SLC45A4: variants seen among roughly 807,000 people sequenced by gnomAD.
The protein encoded by SLC45A4 is solute carrier family 45 member 4.
In SLC45A4, 32 loss-of-function variants were observed where a neutral mutation model predicts 63.7. The observed-to-expected ratio is 0.50, with a 90% CI of 0.38 to 0.67. The LOEUF (loss-of-function observed/expected upper bound fraction) is 0.67, where lower values mean the gene tolerates loss of function less well. Ranked by LOEUF, SLC45A4 falls within the 30% of genes least tolerant of loss-of-function variation. SLC45A4 has a pLI of 0.00. For missense variants in SLC45A4, 1,027 were observed against 1,157.7 expected (o/e 0.89, Z 1.64); for synonymous variants, 535 against 510.0 (o/e 1.05, Z -0.66).
chr8:141,218,256 G>C lies in SLC45A4; in HGVS notation c.1384C>G (p.Gln462Glu). 3.1e-6 allele frequency: 5 copies of C among 1,602,726 alleles called. No homozygotes were observed. The highest frequency in any genetic ancestry group is 4.2e-6 in the Non-Finnish European group (5 of 1,179,682). The part of the protein sequence containing the change: ...SRSMSDLYDM[Q>E]KRQRQHRHRN... ...TGCCGGTGCTGCCGCTGCCGCTTCT[G>C]CATGTCGTACAGGTCGCTCATGCTG... Residue 462 changes from glutamine (Q) to glutamate (E), a missense_variant, in exon 5 of 9, where the codon CAG becomes GAG. By Grantham distance (29) the Gln-to-Glu change is conservative. Coordinates refer to ENST00000517878, the MANE Select transcript of SLC45A4 (RefSeq NM_001286646.2).
intron 2 of SLC45A4, chr8:141,228,247 G>A (rs745876113): frequency 4.3e-6 from 7 of 1,613,868 alleles, no homozygotes; most frequent in East Asian, 2.2e-5. Context: ...CAGCCCTGAG[G>A]CTGGGCTTGC....
chr8:141,230,358 C>G (rs987698489), intron 2 of SLC45A4: 16 of 343,080 alleles, frequency 4.7e-5, no homozygotes, highest in African/African-American at 3.5e-4. Flanking sequence ...GGACAGAAGG[C>G]AGAGAGGGAA....
chr8:141,307,650 T>C (rs1258094781), intron 1 of SLC45A4, among the ~76,000 whole-genome samples: 1 of 151,868 alleles, frequency 6.6e-6, no homozygotes, highest in Non-Finnish European at 1.5e-5. Context: ...AAGTTAGAGA[T>C]AGCAGGCAGG....
At chr8:141,286,670 C>G (rs748369431) in intron 1 of SLC45A4, among the ~76,000 whole-genome samples, 1 of 151,974 alleles carries the variant, frequency 6.6e-6, no homozygotes, top group Non-Finnish European at 1.5e-5. Flanking sequence ...GCCAGGAGCC[C>G]CAGGAATGGG....
chr8:141,296,691 C>T (rs1830565859), intron 1 of SLC45A4, among the ~76,000 whole-genome samples: 2 of 151,114 alleles, frequency 1.3e-5, no homozygotes, highest in Admixed American at 1.3e-4. Context: ...CAAAAATTAG[C>T]TGGGTGTGGT....
chr8:141,283,540 C>T (rs912833778), intron 1 of SLC45A4, among the ~76,000 whole-genome samples: 44 of 152,250 alleles, frequency 2.9e-4, no homozygotes, highest in African/African-American at 9.4e-4. Flanking sequence ...GCATCAACAT[C>T]GGTGTCACCC....
chr8:141,247,518 G>A (rs1232660410), intron 2 of SLC45A4, among the ~76,000 whole-genome samples: 1 of 152,168 alleles, frequency 6.6e-6, no homozygotes, highest in Admixed American at 6.5e-5. Flanking sequence ...GCTTTTTGTA[G>A]AAATTGATAA....
intron 2 of SLC45A4, among the ~76,000 whole-genome samples, chr8:141,232,086 C>T (rs1224243827): frequency 6.6e-6 from 1 of 152,248 alleles, no homozygotes; most frequent in Non-Finnish European, 1.5e-5. Flanking sequence ...TCCTCTGCCG[C>T]TGGCCTACAG....
At chr8:141,291,713 G>C (rs1830353989) in intron 1 of SLC45A4, among the ~76,000 whole-genome samples, 1 of 152,230 alleles carries the variant, frequency 6.6e-6, no homozygotes, top group South Asian at 2.1e-4. Flanking sequence ...GCGAGCAGTG[G>C]TGTCTGGAGT....
intron 1 of SLC45A4, among the ~76,000 whole-genome samples, chr8:141,284,755 C>T (rs1008990719): frequency 6.6e-6 from 1 of 152,138 alleles, no homozygotes; most frequent in Admixed American, 6.5e-5. Context: ...CCTGTGTCTG[C>T]CTGGGTCCCA....
At chr8:141,274,534 CAAAAAA>C (rs35503591) in intron 1 of SLC45A4, among the ~76,000 whole-genome samples, 1 of 94,072 alleles carries the variant, frequency 1.1e-5, no homozygotes, top group African/African-American at 4.4e-5. Context: ...AACTCGGTCT[CAAAAAA>C]AAAAAAAAAA....
chr8:141,265,403 G>T (rs1455014626), intron 1 of SLC45A4, among the ~76,000 whole-genome samples: 1 of 152,246 alleles, frequency 6.6e-6, no homozygotes, highest in African/African-American at 2.4e-5. Flanking sequence ...GGGAGGGGCT[G>T]GGTGCCAGCG....
At chr8:141,250,988 ACATCATCTGC>A (rs1277720400) in intron 2 of SLC45A4, among the ~76,000 whole-genome samples, 3 of 152,248 alleles carry the variant, frequency 2.0e-5, no homozygotes, top group Non-Finnish European at 4.4e-5. Context: ...GCCACAATAC[ACATCATCTGC>A]CATAGAGAAA....
chr8:141,266,186 C>T (rs114711106), intron 1 of SLC45A4, among the ~76,000 whole-genome samples: 2,955 of 152,316 alleles, frequency 0.019, 92 homozygotes, highest in African/African-American at 0.067. Context: ...GTCCGGACAA[C>T]ACGCGTCCGC....
At chr8:141,262,972 C>T (rs2154614814) in intron 1 of SLC45A4, among the ~76,000 whole-genome samples, 1 of 151,566 alleles carries the variant, frequency 6.6e-6, no homozygotes, top group Middle Eastern at 3.4e-3. Context: ...CCTAAATGTC[C>T]AACAATGATA....
intron 2 of SLC45A4, among the ~76,000 whole-genome samples, chr8:141,251,448 C>G (rs543780769): frequency 6.6e-6 from 1 of 151,968 alleles, no homozygotes; most frequent in Non-Finnish European, 1.5e-5. Context: ...AAGCGCCCCC[C>G]CTGCCACAGA....
chr8:141,263,982 G>A lies in SLC45A4; in HGVS notation c.-400-9353C>T, dbSNP rs144981664. On this transcript the variant is annotated intron_variant, in intron 1 of 8. Coordinates refer to ENST00000517878, the MANE Select transcript of SLC45A4 (RefSeq NM_001286646.2). ...TCTGAAAGGAAAGCTGGTGGCCTCC[G>A]GGTTGGTGCCAGAAGAACCAGTCTG... Among the ~76,000 whole-genome samples the A allele has an allele frequency of 3.3e-5, 5 of 152,244 alleles. No homozygotes were observed. In the South Asian group the frequency reaches 6.2e-4, roughly 19 times the overall value.
chr8:141,232,679 G>T (rs1827424815), intron 2 of SLC45A4, among the ~76,000 whole-genome samples: 1 of 149,374 alleles, frequency 6.7e-6, no homozygotes, highest in African/African-American at 2.5e-5. Context: ...TGGCTCCCAG[G>T]TGAGCGCTCA....
Position 141,254,196 on chromosome 8 carries a change from A to T in SLC45A4, c.34T>A (p.Ser12Thr), listed in dbSNP as rs562097665. ...KMAPQNADPE[S>T]MQVQELSVPL... Reference sequence around the variant, plus strand: ...ACGGATAACTCTTGAACTTGCATAGATTCCGGGTCGGCATTCTGCGGAGCC... The same window carrying T: ...ACGGATAACTCTTGAACTTGCATAGTTTCCGGGTCGGCATTCTGCGGAGCC... The change falls in exon 2 of 9, where the codon TCT becomes ACT. Residue 12 changes from serine to threonine, a missense_variant. Transcript: ENST00000517878. This position sits in a 1 kb window ranked among gnomAD's most constrained non-coding sequence, Gnocchi z 4.5. 7.4e-5 allele frequency: 113 copies of T among 1,535,308 alleles called. No homozygotes were observed. The highest frequency in any genetic ancestry group is 1.6e-5 in the Non-Finnish European group (18 of 1,146,286).
Sources: allele counts gnomAD v4.1 joint callset (sites outside exome capture counted in the v4.1 genomes callset), GRCh38; gene constraint gnomAD v4.1.1; non-coding constraint Gnocchi (gnomAD v3.1); transcripts MANE v1.5; gene names NCBI Gene and HGNC (gene_info 2026-07-23, HGNC 2026-07-21).